CCDC68: variants seen among roughly 807,000 people sequenced by gnomAD.
The protein encoded by CCDC68 is coiled-coil domain containing 68.
In CCDC68, 45 loss-of-function variants were observed where a neutral mutation model predicts 47.1. The observed-to-expected ratio is 0.96, with a 90% CI of 0.75 to 1.23. The LOEUF (loss-of-function observed/expected upper bound fraction) is 1.23. Among genes scored for constraint, CCDC68 ranks in the 50% most tolerant of loss-of-function variants. The probability of loss-of-function intolerance (pLI) is 0.00; values close to 1 mark genes in which losing one functional copy is unlikely to be tolerated. For synonymous variants in CCDC68, 131 were observed against 129.5 expected (o/e 1.01, Z -0.08); for missense variants, 353 against 373.6 (o/e 0.94, Z 0.45).
chr18:54,918,099 A>G (rs1819925406), intron 9 of CCDC68, 103 bp from the exon 10 acceptor site: 1 of 600,468 alleles, frequency 1.7e-6, no homozygotes, highest in Non-Finnish European at 2.9e-6. Flanking sequence ...GATGTTCATC[A>G]AATTAAAAAA....
chr18:54,922,400 G>C (rs577603540), intron 8 of CCDC68, among the ~76,000 whole-genome samples: 1 of 152,124 alleles, frequency 6.6e-6, no homozygotes, highest in African/African-American at 2.4e-5. Context: ...TCAGAAGTCC[G>C]GGGAGATTGG....
intron 5 of CCDC68, 44 bp downstream of exon 5, chr18:54,937,913 T>C: frequency 6.3e-7 from 1 of 1,575,236 alleles, no homozygotes; most frequent in Non-Finnish European, 8.6e-7. Context: ...TTCTATTAGC[T>C]CGAAGGCTCA....
intron 10 of CCDC68, 70 bp from the exon 11 acceptor site, chr18:54,907,932 T>C (rs770090312): frequency 5.0e-5 from 44 of 887,728 alleles, no homozygotes; most frequent in Non-Finnish European, 2.1e-5. Flanking sequence ...AATGCTTCTA[T>C]TCAACCCAAC....
chr18:54,944,101 T>A (rs1273833865), intron 2 of CCDC68, among the ~76,000 whole-genome samples: 1 of 152,074 alleles, frequency 6.6e-6, no homozygotes, highest in Non-Finnish European at 1.5e-5. Flanking sequence ...TAATGATTTA[T>A]TTTCCTTTAA....
chr18:54,907,942 C>T, intron 10 of CCDC68, 80 bp from the exon 11 acceptor site: 1 of 801,738 alleles, frequency 1.2e-6, no homozygotes, highest in Non-Finnish European at 2.2e-6. Flanking sequence ...TTCAACCCAA[C>T]ACCTGCCTCA....
rs2044517972 is a variant in CCDC68, at chr18:54,945,960, TCA to T, written c.-102-485_-102-484del. Reference sequence around the variant, plus strand: ...GGTCAGCAAACCCCAGCCTGGGAGCTCAATCCAGTTTCCCTCCTGTTTGTACA... The same window carrying T: ...GGTCAGCAAACCCCAGCCTGGGAGCTATCCAGTTTCCCTCCTGTTTGTACA... On this transcript the variant is annotated intron_variant, in intron 1 of 11. Transcript: ENST00000591504. 5.3e-5 allele frequency among the ~76,000 whole-genome samples: 8 copies of T among 152,182 alleles called. No homozygotes were observed. In the South Asian group the frequency reaches 1.7e-3, roughly 32 times the overall value.
intron 7 of CCDC68, among the ~76,000 whole-genome samples, chr18:54,931,357 C>G (rs974141456): frequency 6.6e-6 from 1 of 152,220 alleles, no homozygotes. Context: ...GGCAACCCCA[C>G]TATTCCCAGA....
At chr18:54,934,374 G>A (rs2044309605) in intron 7 of CCDC68, among the ~76,000 whole-genome samples, 1 of 152,116 alleles carries the variant, frequency 6.6e-6, no homozygotes, top group Admixed American at 6.5e-5. Flanking sequence ...TAGTGCAGCC[G>A]TAGGTTTTTC....
chr18:54,930,144 C>T (rs957604907), intron 7 of CCDC68, among the ~76,000 whole-genome samples: 3 of 152,122 alleles, frequency 2.0e-5, no homozygotes, highest in African/African-American at 7.2e-5. Context: ...TCTAGTACTC[C>T]TATACTATTT....
Position 54,907,881 on chromosome 18 carries a change from G to A in CCDC68, c.874-19C>T, listed in dbSNP as rs1052741373. 3 of 1,398,918 alleles carry A rather than the reference G, an allele frequency of 2.1e-6. No individual in the cohort carries two copies. The highest frequency in any genetic ancestry group is 1.8e-4 in the Middle Eastern group (1 of 5,690). The allele number at this position is 1,398,918 out of a possible 1,614,324, so 86.7% of individuals were successfully genotyped here. A position where few individuals can be genotyped will look rare whatever the true frequency, so the allele number is the denominator to read the frequency against. On this transcript the variant is annotated intron_variant, in intron 10 of 11. Coordinates refer to ENST00000591504, the MANE Select transcript of CCDC68 (RefSeq NM_025214.3). ...CTTTATTCTAAAATTGAAAAAAAAT[G>A]CAGACGTCAAATAGCTAACACATTT...
In CCDC68 at chr18:54,903,533, A is replaced by T. The variant is rs1913801627; in HGVS notation, c.*825T>A. Reference sequence around the variant, plus strand: ...ATATATACATTTTCATGGAAGTATGAGCTAACAGCATTATTTTTCTATCCC... The same window carrying T: ...ATATATACATTTTCATGGAAGTATGTGCTAACAGCATTATTTTTCTATCCC... On this transcript the variant is annotated 3_prime_UTR_variant, in exon 12 of 12. Coordinates refer to ENST00000591504, the MANE Select transcript of CCDC68 (RefSeq NM_025214.3). 1 of 152,226 alleles carries T rather than the reference A, an allele frequency of 6.6e-6. No homozygotes were observed. 9.4% of individuals were successfully genotyped at this position (152,226 alleles called of 1,614,324 possible).
intron 1 of CCDC68, among the ~76,000 whole-genome samples, chr18:54,945,787 C>T (rs2044514766): frequency 6.6e-6 from 1 of 152,196 alleles, no homozygotes; most frequent in Non-Finnish European, 1.5e-5. Context: ...AATGGAAGTA[C>T]GTCTCTTACT....
chr18:54,943,931 C>A (rs371642681), intron 2 of CCDC68, among the ~76,000 whole-genome samples: 1 of 151,856 alleles, frequency 6.6e-6, no homozygotes, highest in African/African-American at 2.4e-5. Flanking sequence ...CAAAGTGGAC[C>A]GATCACTTGA....
intron 2 of CCDC68, among the ~76,000 whole-genome samples, chr18:54,944,441 C>A (rs72930926): frequency 0.14 from 21,219 of 152,080 alleles, 1,554 homozygotes; most frequent in Non-Finnish European, 0.16. Flanking sequence ...GTGATCAATA[C>A]TATTTGAATA....
intron 5 of CCDC68, chr18:54,937,342 G>C (rs539065647): frequency 6.0e-6 from 1 of 165,326 alleles, no homozygotes; most frequent in East Asian, 1.7e-4. Flanking sequence ...AATAGAAGTG[G>C]GACAAGGTTA....
chr18:54,949,328 A>G (rs923705752), intron 1 of CCDC68, among the ~76,000 whole-genome samples: 6 of 152,248 alleles, frequency 3.9e-5, no homozygotes, highest in African/African-American at 1.4e-4. Flanking sequence ...ACCACGGCAC[A>G]TAGCAAAGTC....
chr18:54,920,374 G>T (rs2044036961), intron 8 of CCDC68, among the ~76,000 whole-genome samples: 2 of 151,534 alleles, frequency 1.3e-5, no homozygotes, highest in Non-Finnish European at 2.9e-5. Context: ...TCTTGCAGCT[G>T]GGATTACAAG....
intron 4 of CCDC68, among the ~76,000 whole-genome samples, chr18:54,939,442 C>T (rs994930882): frequency 6.6e-6 from 1 of 151,982 alleles, no homozygotes; most frequent in Non-Finnish European, 1.5e-5. Flanking sequence ...TGGGGTAGAG[C>T]CTAGATGCGG....
chr18:54,942,990 G>C, intron 2 of CCDC68, 187 bp from the exon 3 acceptor site: 1 of 398,332 alleles, frequency 2.5e-6, no homozygotes, highest in Non-Finnish European at 4.4e-6. Flanking sequence ...TCATCTGAAG[G>C]AATCATTAAT....
Sources: allele counts gnomAD v4.1 joint callset (sites outside exome capture counted in the v4.1 genomes callset), GRCh38; gene constraint gnomAD v4.1.1; transcripts MANE v1.5; gene names NCBI Gene and HGNC (gene_info 2026-07-23, HGNC 2026-07-21).